The following PRDM16 variants were observed in gnomAD, a reference collection of about 807,000 sequenced individuals.
The protein encoded by PRDM16 is PR/SET domain 16.
In PRDM16, 23 loss-of-function variants were observed where a neutral mutation model predicts 110.6. The observed-to-expected ratio is 0.21, with a 90% confidence interval of 0.15 to 0.29. The LOEUF (loss-of-function observed/expected upper bound fraction) is 0.29, where lower values mean the gene tolerates loss of function less well. Among genes scored for constraint, PRDM16 ranks in the 10% least tolerant of loss-of-function variants. PRDM16 has a pLI of 1.00. For synonymous variants in PRDM16, 799 were observed against 781.8 expected (o/e 1.02, Z -0.37); for missense variants, 1,615 against 1,794.3 (o/e 0.90, Z 1.81).
intron 3 of PRDM16, among the ~76,000 whole-genome samples, chr1:3,262,623 G>A (rs1640187303): frequency 6.6e-6 from 1 of 152,218 alleles, no homozygotes; most frequent in Non-Finnish European, 1.5e-5. Context: ...CCTTGCTGAG[G>A]GGTTTTGGGG....
intron 3 of PRDM16, among the ~76,000 whole-genome samples, chr1:3,316,533 G>GTGTAGCCGAGAAGACAGGACCTT (rs1641606040): frequency 6.6e-6 from 1 of 152,240 alleles, no homozygotes; most frequent in Admixed American, 6.5e-5. Context: ...GACAGGACCT[G>GTGTAGCCGAGAAGACAGGACCTT]TGTAGCCAAG....
In PRDM16 at chr1:3,212,618, A is replaced by ATCCTCCCGGCCCCCTCGCTGT. The variant is rs1638915910; in HGVS notation, c.387+26144_387+26145insTCCTCCCGGCCCCCTCGCTGT. Among the ~76,000 whole-genome samples the ATCCTCCCGGCCCCCTCGCTGT allele has an allele frequency of 1.4e-4, 17 of 122,624 alleles. 4 individuals are homozygous for ATCCTCCCGGCCCCCTCGCTGT. Among genetic ancestry groups the ATCCTCCCGGCCCCCTCGCTGT allele is most frequent in the African/African-American group, 6.2e-4 (17 of 27,362 alleles). 80.4% of individuals were successfully genotyped at this position (122,624 alleles called of 152,430 possible). A position where few individuals can be genotyped will look rare whatever the true frequency, so the allele number is the denominator to read the frequency against. On this transcript the variant is annotated intron_variant, in intron 2 of 16. Coordinates refer to ENST00000270722, the MANE Select transcript of PRDM16 (RefSeq NM_022114.4). ...GCTCATCCTCCCGGCCCCCTCGCTG[A>ATCCTCCCGGCCCCCTCGCTGT]GGTCCTCCCGCTCATCCTCCCGGCC... is the stretch of plus-strand genomic sequence containing the variant.
At chr1:3,140,793 C>T (rs1232843424) in intron 1 of PRDM16, among the ~76,000 whole-genome samples, 1 of 152,220 alleles carries the variant, frequency 6.6e-6, no homozygotes, top group African/African-American at 2.4e-5. Context: ...GGGGTCCCGC[C>T]TCCGTTTCCG....
At chr1:3,088,447 T>TATTA (rs1404885491) in intron 1 of PRDM16, among the ~76,000 whole-genome samples, 6 of 110,080 alleles carry the variant, frequency 5.5e-5, no homozygotes, top group African/African-American at 2.2e-4. Flanking sequence ...GGGATTCTTT[T>TATTA]ATTATTTATT....
At chr1:3,347,439 C>T (rs527909572) in intron 3 of PRDM16, among the ~76,000 whole-genome samples, 92 of 152,298 alleles carry the variant, frequency 6.0e-4, no homozygotes, top group Admixed American at 3.2e-3. Context: ...GTCCCACTGG[C>T]GAGAGCCATC....
intron 3 of PRDM16, among the ~76,000 whole-genome samples, chr1:3,260,436 C>T (rs868057259): frequency 1.3e-5 from 2 of 152,272 alleles, no homozygotes; most frequent in Middle Eastern, 3.4e-3. Flanking sequence ...CCTACTGACA[C>T]CTTAATTTCT....
intron 1 of PRDM16, among the ~76,000 whole-genome samples, chr1:3,145,810 T>C (rs930167390): frequency 6.6e-6 from 1 of 152,160 alleles, no homozygotes; most frequent in Non-Finnish European, 1.5e-5. Flanking sequence ...AAGTGCAATT[T>C]ATCTAGTCGG....
intron 2 of PRDM16, among the ~76,000 whole-genome samples, chr1:3,191,292 C>G (rs1233286728): frequency 6.6e-6 from 1 of 152,188 alleles, no homozygotes; most frequent in African/African-American, 2.4e-5. Context: ...TTTGTTCAAT[C>G]AACAAATGCA....
intron 1 of PRDM16, among the ~76,000 whole-genome samples, chr1:3,162,264 G>C (rs1003136328): frequency 6.6e-6 from 1 of 151,730 alleles, no homozygotes; most frequent in African/African-American, 2.4e-5. Context: ...GTGACTCTGC[G>C]TCCCTCCTCC....
chr1:3,096,635 C>T (rs1013388390), intron 1 of PRDM16, among the ~76,000 whole-genome samples: 3 of 152,138 alleles, frequency 2.0e-5, no homozygotes, highest in Non-Finnish European at 4.4e-5. Context: ...GAGGGAGGGA[C>T]GCCAGGGACT....
In PRDM16 at chr1:3,353,252, CG is replaced by C. The variant is rs1484968806; in HGVS notation, c.439-31899del. ...TTGCCTGAGGTGCGGTAAAAGTTTA[CG>C]AGGGCTGGGCAGCTCCTAGGCATGG... On this transcript the variant is annotated intron_variant, in intron 3 of 16. Coordinates refer to ENST00000270722, the MANE Select transcript of PRDM16 (RefSeq NM_022114.4). The surrounding 1 kb of genome is among the most constrained non-coding windows in gnomAD (Gnocchi z 5.4). 6.6e-6 allele frequency among the ~76,000 whole-genome samples: 1 copy of C among 152,194 alleles called. No individual in the cohort carries two copies. The highest frequency in any genetic ancestry group is 1.5e-5 in the Non-Finnish European group (1 of 68,026).
intron 2 of PRDM16, among the ~76,000 whole-genome samples, chr1:3,204,986 C>T (rs988582399): frequency 6.6e-6 from 1 of 152,140 alleles, no homozygotes; most frequent in Non-Finnish European, 1.5e-5. Context: ...AGTCAGAAGT[C>T]CCCTGAATGG....
At chr1:3,319,241 G>A (rs1641684853) in intron 3 of PRDM16, among the ~76,000 whole-genome samples, 1 of 152,192 alleles carries the variant, frequency 6.6e-6, no homozygotes, top group African/African-American at 2.4e-5. Flanking sequence ...TTTGATGTGA[G>A]GGATCATTGG....
chr1:3,396,727 G>C, intron 5 of PRDM16, 134 bp downstream of exon 5: 1 of 594,092 alleles, frequency 1.7e-6, no homozygotes, highest in South Asian at 2.0e-5. Flanking sequence ...CGGCCCCCAA[G>C]TGCTAGGTGC....
chr1:3,247,557 C>T (rs1395596788), intron 3 of PRDM16, among the ~76,000 whole-genome samples: 2 of 152,224 alleles, frequency 1.3e-5, no homozygotes, highest in Non-Finnish European at 2.9e-5. Context: ...GCGCAGGGGA[C>T]GGTCCTCCTC....
intron 1 of PRDM16, among the ~76,000 whole-genome samples, chr1:3,178,938 C>A (rs1434595587): frequency 1.3e-5 from 2 of 152,190 alleles, no homozygotes; most frequent in Admixed American, 6.5e-5. Context: ...ACCTCTAAAA[C>A]CTTCCGGTCC....
intron 2 of PRDM16, among the ~76,000 whole-genome samples, chr1:3,240,062 A>AGAGGAGGAGAGGAGAGGAGAG (rs1423404993): frequency 4.2e-4 from 4 of 9,596 alleles, no homozygotes; most frequent in African/African-American, 9.3e-4. Context: ...GGAGAAGAGG[A>AGAGGAGGAGAGGAGAGGAGAG]GAGGAGAGGA....
chr1:3,381,121 T>G (rs1643094397), intron 3 of PRDM16, among the ~76,000 whole-genome samples: 1 of 152,160 alleles, frequency 6.6e-6, no homozygotes, highest in Non-Finnish European at 1.5e-5. Flanking sequence ...CACCAAAGGC[T>G]TCTCGCCGCG....
intron 1 of PRDM16, among the ~76,000 whole-genome samples, chr1:3,071,022 G>GGTGTGC (rs1318595375): frequency 1.3e-5 from 2 of 152,254 alleles, no homozygotes; most frequent in African/African-American, 4.8e-5. Context: ...CCGCGCGTGG[G>GGTGTGC]GTGTGCGTGT....
Sources: allele counts gnomAD v4.1 joint callset (sites outside exome capture counted in the v4.1 genomes callset), GRCh38; gene constraint gnomAD v4.1.1; non-coding constraint Gnocchi (gnomAD v3.1); transcripts MANE v1.5; gene names NCBI Gene and HGNC (gene_info 2026-07-23, HGNC 2026-07-21).